EPS15: variants seen among roughly 807,000 people sequenced by gnomAD.
EPS15 encodes epidermal growth factor receptor pathway substrate 15, also known as epidermal growth factor receptor substrate 15.
Under a neutral mutation model 113.8 loss-of-function variants are expected in EPS15, and 72 were observed. That is an observed-to-expected ratio of 0.63 (90% CI 0.52 to 0.77). The LOEUF is 0.77. EPS15 is among the 30% of genes least tolerant of loss of function. The pLI, the probability that EPS15 is intolerant of heterozygous loss-of-function variation, is 0.00. For synonymous variants in EPS15, 344 were observed against 363.4 expected, an observed-to-expected ratio of 0.95 and a Z score of 0.61; for missense variants, 1,048 against 1,045.8, an observed-to-expected ratio of 1.00 and a Z score of -0.03.
At chr1:51,458,202 A>C (rs1474674431) in intron 8 of EPS15, 1 of 152,294 alleles carries the variant, frequency 6.6e-6, no homozygotes, top group African/African-American at 2.4e-5. Context: ...TAACAAGTAA[A>C]TCTAGGAGAA....
In EPS15 at chr1:51,427,851, AT is replaced by A. The variant is rs560669587; in HGVS notation, c.1041-5994del. Among the ~76,000 whole-genome samples, 69 of 152,300 alleles carry A rather than the reference AT, an allele frequency of 4.5e-4. No homozygotes were observed. In the East Asian group the frequency reaches 0.012, roughly 27 times the overall value. On this transcript the variant is annotated intron_variant, in intron 12 of 24. Transcript: ENST00000371733. ...GAAGCAGACTAAGAAGAAAACTCAA[AT>A]TTGATAAAATATCTGCATCTACAGA...
rs555751974 is a variant in EPS15, at chr1:51,410,122, G to A, written c.1114-426C>T. Among the ~76,000 whole-genome samples, 7 of 151,988 alleles carry A rather than the reference G, an allele frequency of 4.6e-5. No homozygotes were observed. In the East Asian group the frequency reaches 9.7e-4, roughly 21 times the overall value. ...CGCATGCCTGTAATCCCAGCTACTC[G>A]GGAGGCTAAAGCAGGAGAATTGCTT... is the stretch of plus-strand genomic sequence containing the variant. On this transcript the variant is annotated intron_variant, in intron 13 of 24. Transcript: ENST00000371733.
rs755316056 is a variant in EPS15 at position 51,461,102 on chromosome 1, C to T, written c.550G>A (p.Glu184Lys). The change falls in exon 8 of 25, where the codon GAG becomes AAG. Residue 184 changes from glutamate to lysine, a missense_variant. By Grantham distance (56) the Glu-to-Lys change is moderately conservative. Coordinates refer to ENST00000371733, the MANE Select transcript of EPS15 (RefSeq NM_001981.3). The part of the protein sequence containing the change: ...IDHDGMLDRD[E>K]FAVAMFLVYC... ...ATTAGATTACTTACAACTGCAAACTCATCTCTGTCAAGCATTCCATCATGG... is the reference window on the plus strand; with the variant it reads ...ATTAGATTACTTACAACTGCAAACTTATCTCTGTCAAGCATTCCATCATGG... 1.3e-5 allele frequency: 21 copies of T among 1,597,296 alleles called. No individual in the cohort carries two copies. The highest frequency in any genetic ancestry group is 1.8e-5 in the Non-Finnish European group (21 of 1,164,862).
chr1:51,457,147 C>A (rs1654062437), intron 8 of EPS15, among the ~76,000 whole-genome samples: 1 of 152,024 alleles, frequency 6.6e-6, no homozygotes, highest in South Asian at 2.1e-4. Flanking sequence ...ATTAGCCAGG[C>A]GTGGTGGCGG....
intron 16 of EPS15, among the ~76,000 whole-genome samples, chr1:51,404,393 A>G (rs1156315786): frequency 1.3e-5 from 2 of 151,838 alleles, no homozygotes; most frequent in South Asian, 2.1e-4. Flanking sequence ...AAAAAAAAAA[A>G]GTAGCAGGGC....
At chr1:51,366,973 C>T (rs897583165) in intron 21 of EPS15, among the ~76,000 whole-genome samples, 1 of 152,046 alleles carries the variant, frequency 6.6e-6, no homozygotes, top group Non-Finnish European at 1.5e-5. Context: ...TATACCAAGT[C>T]TGAGAAAATA....
In EPS15 at chr1:51,356,730, T is replaced by C; in HGVS notation, c.2661A>G (p.Ala887=). Residue 887 remains alanine, a synonymous_variant, in exon 25 of 25, where the codon GCA becomes GCG. Coordinates refer to ENST00000371733, the MANE Select transcript of EPS15 (RefSeq NM_001981.3). ...QEQEDLELAI[A]LSKSEISEA is the part of the protein sequence containing the mutation. ...CTTCTGATATCTCAGATTTGCTGAG[T>C]GCAATAGCCAGTTCTAAGTCTTCTT... 1 of 1,614,024 alleles carries C rather than the reference T, an allele frequency of 6.2e-7. No homozygotes were observed. The highest frequency in any genetic ancestry group is 8.5e-7 in the Non-Finnish European group (1 of 1,179,946).
chr1:51,508,107 G>T (rs767382780), intron 1 of EPS15, among the ~76,000 whole-genome samples: 49 of 151,568 alleles, frequency 3.2e-4, no homozygotes, highest in Non-Finnish European at 6.3e-4. Flanking sequence ...GCTTGAACCC[G>T]AGAGGTGGAG....
chr1:51,429,643 GTTTTT>G (rs57230294), intron 12 of EPS15, among the ~76,000 whole-genome samples: 5 of 129,982 alleles, frequency 3.8e-5, no homozygotes, highest in African/African-American at 1.4e-4. Context: ...GTTGTTGTTG[GTTTTT>G]TTTTTTTTTT....
In EPS15 at chr1:51,381,753, T is replaced by A. The variant is rs558615374; in HGVS notation, c.2119+12628A>T. Among the ~76,000 whole-genome samples, 164 of 151,864 alleles carry A rather than the reference T, an allele frequency of 1.1e-3. 2 individuals carry two copies. The highest frequency in any genetic ancestry group is 7.7e-3 in the Admixed American group (117 of 15,272). On this transcript the variant is annotated intron_variant, in intron 21 of 24. Coordinates refer to ENST00000371733, the MANE Select transcript of EPS15 (RefSeq NM_001981.3). ...AAATCACAAAGAAAATTAGAAAATA[T>A]CTTGAAACAAATGAAAATGGAAACA... is the stretch of plus-strand genomic sequence containing the variant.
At chr1:51,402,576 A>T (rs747373579) in intron 17 of EPS15, 51 bp from the exon 18 acceptor site, 1 of 972,044 alleles carries the variant, frequency 1.0e-6, no homozygotes, top group Admixed American at 2.2e-5. Flanking sequence ...AAGTTTTAAA[A>T]GGTAACATTT....
Position 51,423,307 on chromosome 1 carries a change from A to G in EPS15, c.1041-1449T>C, listed in dbSNP as rs995577821. 20 of 1,276,796 alleles carry G rather than the reference A, an allele frequency of 1.6e-5. No homozygotes were observed. The Admixed American group carries it at 3.7e-4, about 24-fold the overall frequency. 79.1% of individuals were successfully genotyped at this position (1,276,796 alleles called of 1,614,324 possible). ...TGCAGCCCGATCCTTCCATACCTCA[A>G]CCTATTTATCATGCAAAGACCATCC... On this transcript the variant is annotated intron_variant, in intron 12 of 24. Coordinates refer to ENST00000371733, the MANE Select transcript of EPS15 (RefSeq NM_001981.3).
rs1260842630 is a variant in EPS15, at chr1:51,357,413, TATATATATATA to T, written c.2545-578_2545-568del. ...AAAAATATATATATATATATATATA[TATATATATATA>T]TATTTTTTTTTTTTAAATGTGATAT... is the stretch of plus-strand genomic sequence containing the variant. On this transcript the variant is annotated intron_variant, in intron 24 of 24. Transcript: ENST00000371733. Among the ~76,000 whole-genome samples, 11 of 59,318 alleles carry T rather than the reference TATATATATATA, an allele frequency of 1.9e-4. 1 individual carries two copies. Among genetic ancestry groups the T allele is most frequent in the African/African-American group, 9.2e-4 (10 of 10,870 alleles). The allele number at this position is 59,318 out of a possible 152,430, so 38.9% of individuals were successfully genotyped here. A position where few individuals can be genotyped will look rare whatever the true frequency, so the allele number is the denominator to read the frequency against.
Position 51,408,376 on chromosome 1 carries a change from G to A in EPS15, c.1276-44C>T, listed in dbSNP as rs751411392. Reference sequence around the variant, plus strand: ...TGAGAAGAAATGGGGATTAAAAGAAGAGATGTCATTAAAATGTTCCAAAAT... The same window carrying A: ...TGAGAAGAAATGGGGATTAAAAGAAAAGATGTCATTAAAATGTTCCAAAAT... On this transcript the variant is annotated intron_variant, in intron 14 of 24. Coordinates refer to ENST00000371733, the MANE Select transcript of EPS15 (RefSeq NM_001981.3). 3.5e-6 allele frequency: 5 copies of A among 1,408,666 alleles called. No homozygotes were observed. In the African/African-American group the frequency reaches 5.7e-5, roughly 16 times the overall value. 87.3% of individuals were successfully genotyped at this position (1,408,666 alleles called of 1,614,324 possible). A position where few individuals can be genotyped will look rare whatever the true frequency, so the allele number is the denominator to read the frequency against.
In EPS15 at chr1:51,400,789, ACT is replaced by A. The variant is rs201037716; in HGVS notation, c.1918+127_1918+128del. On this transcript the variant is annotated intron_variant, in intron 19 of 24. Coordinates refer to ENST00000371733, the MANE Select transcript of EPS15 (RefSeq NM_001981.3). ...TTAAGCAAAATCAAAAGAATTTACT[ACT>A]CTCTTTCTGAAAATGCCAGGCACAT... 2.7e-3 allele frequency: 1,272 copies of A among 468,672 alleles called. 8 individuals carry two copies. Among genetic ancestry groups the A allele is most frequent in the African/African-American group, 0.023 (1,166 of 49,890 alleles). 29.0% of individuals were successfully genotyped at this position (468,672 alleles called of 1,614,324 possible).
intron 1 of EPS15, among the ~76,000 whole-genome samples, chr1:51,488,537 C>T (rs991396734): frequency 1.4e-5 from 2 of 146,688 alleles, no homozygotes; most frequent in Non-Finnish European, 3.0e-5. Context: ...GCCCATTCTA[C>T]TACTTCTTAG....
chr1:51,500,601 G>A (rs918733411), intron 1 of EPS15, among the ~76,000 whole-genome samples: 2 of 151,886 alleles, frequency 1.3e-5, no homozygotes, highest in African/African-American at 4.8e-5. Flanking sequence ...CTGCAGCCTC[G>A]ACCTCCCAAG....
At chr1:51,502,612 G>GGTAATA (rs1436758122) in intron 1 of EPS15, among the ~76,000 whole-genome samples, 1 of 152,008 alleles carries the variant, frequency 6.6e-6, no homozygotes, top group African/African-American at 2.4e-5. Flanking sequence ...AACTACTAAA[G>GGTAATA]GTAATAAATA....
chr1:51,485,946 C>CACCATTGTCA (rs1644113384), intron 1 of EPS15, among the ~76,000 whole-genome samples: 1 of 151,646 alleles, frequency 6.6e-6, no homozygotes, highest in Non-Finnish European at 1.5e-5. Flanking sequence ...TACAGGTGCC[C>CACCATTGTCA]GCCACCACAT....
Sources: gnomAD v4.1 joint callset for allele counts (sites outside exome capture counted in the v4.1 genomes callset) on GRCh38, gnomAD v4.1.1 for gene constraint, MANE v1.5 for transcripts, NCBI Gene and HGNC (gene_info 2026-07-23, HGNC 2026-07-21) for gene names.